The following VPS50 variants were observed in gnomAD, a reference collection of about 807,000 sequenced individuals.
VPS50 encodes the protein syndetin.
A neutral mutation model predicts 139.7 loss-of-function variants in VPS50; 70 were observed. That is an observed-to-expected ratio of 0.50 (90% CI 0.41 to 0.61). The LOEUF (loss-of-function observed/expected upper bound fraction) is 0.61, where lower values mean the gene tolerates loss of function less well. Ranked by LOEUF, VPS50 falls within the 20% of genes least tolerant of loss-of-function variation. The pLI is 0.00. For synonymous variants in VPS50, 365 were observed against 376.7 expected, an observed-to-expected ratio of 0.97 and a Z score of 0.36; for missense variants, 921 against 1,133.7, an observed-to-expected ratio of 0.81 and a Z score of 2.69.
intron 26 of VPS50, among the ~76,000 whole-genome samples, chr7:93,355,119 TA>T (rs202160213): frequency 0.023 from 3,238 of 137,972 alleles, 31 homozygotes; most frequent in Non-Finnish European, 0.035. Context: ...TACTCTTTTT[TA>T]AAAAAAAAAA....
intron 13 of VPS50, among the ~76,000 whole-genome samples, chr7:93,292,827 A>G (rs1029911683): frequency 2.0e-5 from 3 of 152,118 alleles, no homozygotes; most frequent in African/African-American, 7.2e-5. Context: ...ATTTGGAAAT[A>G]TTGTTGGGGA....
chr7:93,355,764 T>C lies in VPS50; in HGVS notation c.2586-127T>C, dbSNP rs937296152. The C allele has an allele frequency of 5.4e-5, 28 of 514,080 alleles. No individual in the cohort carries two copies. The East Asian group carries it at 8.3e-4, about 15-fold the overall frequency. The allele number at this position is 514,080 out of a possible 1,614,324, so 31.8% of individuals were successfully genotyped here. ...TCTGACTCAAGGCTTATGTTCTCTA[T>C]TTCCTATAACCCTCTCATTTCTGGG... On this transcript the variant is annotated intron_variant, in intron 26 of 27. Transcript: ENST00000305866.
chr7:93,344,916 C>T (rs1455041006), intron 23 of VPS50, among the ~76,000 whole-genome samples: 1 of 151,736 alleles, frequency 6.6e-6, no homozygotes, highest in Non-Finnish European at 1.5e-5. Context: ...ACAATTAAAA[C>T]AACTAGAAAA....
At chr7:93,245,856 T>C (rs889572289) in intron 2 of VPS50, among the ~76,000 whole-genome samples, 6 of 151,840 alleles carry the variant, frequency 4.0e-5, no homozygotes, top group African/African-American at 1.2e-4. Context: ...AACGTGCCAT[T>C]TCCTCATGTA....
intron 23 of VPS50, 83 bp from the exon 24 acceptor site, chr7:93,348,628 G>A: frequency 2.1e-6 from 2 of 942,826 alleles, no homozygotes; most frequent in South Asian, 3.0e-5. Context: ...GCTCAGAAAT[G>A]TTAAAAAATA....
intron 1 of VPS50, among the ~76,000 whole-genome samples, chr7:93,235,098 A>T (rs1302122430): frequency 2.6e-5 from 4 of 152,194 alleles, no homozygotes; most frequent in Non-Finnish European, 1.5e-5. Context: ...AATATAAAAA[A>T]ACCTGAAGGG....
intron 17 of VPS50, among the ~76,000 whole-genome samples, chr7:93,305,425 G>A (rs1350432826): frequency 6.6e-6 from 1 of 151,862 alleles, no homozygotes; most frequent in African/African-American, 2.4e-5. Flanking sequence ...ATCTTAAGTG[G>A]TGCAAGCATA....
intron 21 of VPS50, among the ~76,000 whole-genome samples, chr7:93,324,398 C>A (rs967474590): frequency 3.9e-5 from 6 of 152,108 alleles, no homozygotes; most frequent in African/African-American, 1.2e-4. Context: ...AGTTTTTGCC[C>A]ATTAAGTATG....
chr7:93,338,850 G>C (rs1477757590), intron 22 of VPS50, among the ~76,000 whole-genome samples: 3 of 152,144 alleles, frequency 2.0e-5, no homozygotes, highest in African/African-American at 7.2e-5. Flanking sequence ...GGAGATGCTA[G>C]AGACAGAGCT....
chr7:93,356,814 G>C (rs376012285), intron 27 of VPS50, among the ~76,000 whole-genome samples: 1 of 152,012 alleles, frequency 6.6e-6, no homozygotes, highest in Non-Finnish European at 1.5e-5. Flanking sequence ...GAATGTCATG[G>C]GTAAAAGCTA....
At chr7:93,275,493 C>T (rs1185733570) in intron 11 of VPS50, among the ~76,000 whole-genome samples, 3 of 152,180 alleles carry the variant, frequency 2.0e-5, no homozygotes. Flanking sequence ...AAGATCGACT[C>T]ACTGAAGGCC....
intron 22 of VPS50, chr7:93,340,723 G>C (rs1798187311): frequency 6.6e-6 from 1 of 152,204 alleles, no homozygotes; most frequent in African/African-American, 2.4e-5. Flanking sequence ...ATCATCAGAT[G>C]AAAGTAAAAC....
chr7:93,240,483 C>T (rs71562818), intron 2 of VPS50, among the ~76,000 whole-genome samples: 21,614 of 152,002 alleles, frequency 0.14, 1,676 homozygotes, highest in South Asian at 0.2. Flanking sequence ...CTGATATTCA[C>T]GTGAATTTCT....
chr7:93,322,231 T>G (rs1013588141), intron 20 of VPS50, among the ~76,000 whole-genome samples: 1 of 152,216 alleles, frequency 6.6e-6, no homozygotes, highest in South Asian at 2.1e-4. Context: ...GTTTTGATAG[T>G]AGACATTTCC....
intron 22 of VPS50, among the ~76,000 whole-genome samples, chr7:93,339,959 T>C (rs2117057551): frequency 6.6e-6 from 1 of 152,352 alleles, no homozygotes; most frequent in South Asian, 2.1e-4. Flanking sequence ...TTCATTGCCA[T>C]GTCAGTACTG....
intron 1 of VPS50, among the ~76,000 whole-genome samples, chr7:93,236,476 G>C (rs1236210556): frequency 1.3e-5 from 2 of 152,242 alleles, no homozygotes; most frequent in Non-Finnish European, 1.5e-5. Context: ...CATAACTGAA[G>C]TAGTCTGAAG....
intron 22 of VPS50, among the ~76,000 whole-genome samples, chr7:93,339,438 C>T (rs1367736192): frequency 2.0e-5 from 3 of 151,620 alleles, no homozygotes; most frequent in Admixed American, 6.6e-5. Context: ...TATATGTATG[C>T]ATTTGATGTC....
chr7:93,296,657 A>C, intron 14 of VPS50, 85 bp from the exon 15 acceptor site: 1 of 1,519,516 alleles, frequency 6.6e-7, no homozygotes, highest in Admixed American at 2.4e-5. Context: ...GTCTCATTTT[A>C]ATCTGGAACT....
intron 2 of VPS50, among the ~76,000 whole-genome samples, chr7:93,244,904 A>T (rs1240762687): frequency 1.3e-5 from 2 of 151,838 alleles, no homozygotes; most frequent in African/African-American, 4.8e-5. Context: ...TATGCTTCTC[A>T]TAGCTTCAGA....
Sources: allele counts gnomAD v4.1 joint callset (sites outside exome capture counted in the v4.1 genomes callset), GRCh38; gene constraint gnomAD v4.1.1; transcripts MANE v1.5; gene names NCBI Gene and HGNC (gene_info 2026-07-23, HGNC 2026-07-21).